SART1: variants seen among roughly 807,000 people sequenced by gnomAD.
SART1 encodes spliceosome associated factor 1, recruiter of U4/U6.U5 tri-snRNP.
Under a neutral mutation model 105.0 loss-of-function variants are expected in SART1, and 28 were observed. The ratio of observed to expected loss-of-function variants is 0.27; its 90% confidence interval spans 0.20 to 0.37. The LOEUF is 0.37. Among genes scored for constraint, SART1 ranks in the 10% least tolerant of loss-of-function variants. The pLI, the probability that SART1 is intolerant of heterozygous loss-of-function variation, is 1.00. For missense variants in SART1, 894 were observed against 1,106.5 expected (o/e 0.81, Z 2.72); for synonymous variants, 472 against 462.9 (o/e 1.02, Z -0.25).
chr11:65,972,988 G>A (rs756324037), intron 12 of SART1, among the ~76,000 whole-genome samples: 130 of 152,106 alleles, frequency 8.5e-4, no homozygotes, highest in Non-Finnish European at 2.5e-4. Context: ...GGTCAACACA[G>A]TGAAACCCTG....
chr11:65,975,449 T>C (rs1214123759), intron 12 of SART1, among the ~76,000 whole-genome samples: 1 of 145,186 alleles, frequency 6.9e-6, no homozygotes, highest in Non-Finnish European at 1.5e-5. Flanking sequence ...GGTTTCACTC[T>C]TGCCCACTCT....
At chr11:65,966,654 G>T in intron 9 of SART1, 98 bp downstream of exon 9, 1 of 1,347,376 alleles carries the variant, frequency 7.4e-7, no homozygotes, top group Non-Finnish European at 9.8e-7. Context: ...GCGAGTATTT[G>T]TGTTCACAAA....
At chr11:65,962,196 ACC>A in intron 1 of SART1, 103 bp downstream of exon 1, 1 of 871,620 alleles carries the variant, frequency 1.1e-6, no homozygotes, top group Non-Finnish European at 1.6e-6. Flanking sequence ...AGGCCAGGAA[ACC>A]CCCAAGCTGT....
At chr11:65,964,176 G>A (rs755536747) in intron 2 of SART1, 45 bp downstream of exon 2, 9 of 1,556,518 alleles carry the variant, frequency 5.8e-6, no homozygotes, top group Admixed American at 1.7e-5. Flanking sequence ...TCTAAGAGAG[G>A]TGGCTCTGGG....
rs752838323 is a variant in SART1, at chr11:65,976,353, C to T, written c.1573-42C>T. 1.4e-6 allele frequency: 2 copies of T among 1,480,798 alleles called. No individual in the cohort carries two copies. Among genetic ancestry groups the T allele is most frequent in the Non-Finnish European group, 1.8e-6 (2 of 1,117,018 alleles). The allele number at this position is 1,480,798 out of a possible 1,614,324, so 91.7% of individuals were successfully genotyped here. A position where few individuals can be genotyped will look rare whatever the true frequency, so the allele number is the denominator to read the frequency against. On this transcript the variant is annotated intron_variant, in intron 12 of 19. Transcript: ENST00000312397. The surrounding 1 kb of genome is among the most constrained non-coding windows in gnomAD (Gnocchi z 5.1). ...GTTCCTGGGTCTCAATGGCATCACC[C>T]CAGAAACTGCTGGGTTTGCCCACAG...
At chr11:65,964,662 G>A (rs1855210643) in intron 3 of SART1, 92 bp downstream of exon 3, 4 of 1,282,216 alleles carry the variant, frequency 3.1e-6, no homozygotes, top group Non-Finnish European at 4.3e-6. Flanking sequence ...GTTCAGCACT[G>A]TTTAGTGGTC....
Position 65,978,272 on chromosome 11 carries a change from A to C in SART1, c.2173-328A>C. On this transcript the variant is annotated intron_variant, in intron 17 of 19. Coordinates refer to ENST00000312397, the MANE Select transcript of SART1 (RefSeq NM_005146.5). This position sits in a 1 kb window ranked among gnomAD's most constrained non-coding sequence, Gnocchi z 6.8. ...GCCCGACCGTCCTGCCCTACCACTC[A>C]GCTGCCCCCTTGCTCTCTGGGGTTT... 2.0e-6 allele frequency: 1 copy of C among 491,546 alleles called. No homozygotes were observed. 30.4% of individuals were successfully genotyped at this position (491,546 alleles called of 1,614,324 possible). A position where few individuals can be genotyped will look rare whatever the true frequency, so the allele number is the denominator to read the frequency against.
Position 65,967,676 on chromosome 11 carries a change from C to G in SART1, c.1430-3C>G. 6.3e-7 allele frequency: 1 copy of G among 1,575,954 alleles called. No homozygotes were observed. Among genetic ancestry groups the G allele is most frequent in the Non-Finnish European group, 8.6e-7 (1 of 1,160,572 alleles). ...GAGCAGGCATCCCCTGTGTTTCCCCCAGAGGAAGGTGGAGCTCCACCGCCG... is the reference window on the plus strand; with the variant it reads ...GAGCAGGCATCCCCTGTGTTTCCCCGAGAGGAAGGTGGAGCTCCACCGCCG... On this transcript the variant is annotated splice_polypyrimidine_tract_variant and splice_region_variant and intron_variant, in intron 11 of 19. Coordinates refer to ENST00000312397, the MANE Select transcript of SART1 (RefSeq NM_005146.5).
Position 65,978,980 on chromosome 11 carries a change from C to T in SART1, c.2385-32C>T. The T allele has an allele frequency of 6.2e-7, 1 of 1,614,052 alleles. No individual in the cohort carries two copies. Among genetic ancestry groups the T allele is most frequent in the Non-Finnish European group, 8.5e-7 (1 of 1,179,996 alleles). On this transcript the variant is annotated intron_variant, in intron 19 of 19. Coordinates refer to ENST00000312397, the MANE Select transcript of SART1 (RefSeq NM_005146.5). This position sits in a 1 kb window ranked among gnomAD's most constrained non-coding sequence, Gnocchi z 6.8. ...GGGGTGGCGTGGCCTGTGCCCGCCTCTGCAGCCTCACGCCCCTGTTCTTCT... is the reference window on the plus strand; with the variant it reads ...GGGGTGGCGTGGCCTGTGCCCGCCTTTGCAGCCTCACGCCCCTGTTCTTCT...
chr11:65,964,212 AT>A (rs780398469), intron 2 of SART1, 81 bp downstream of exon 2: 5 of 1,192,484 alleles, frequency 4.2e-6, no homozygotes, highest in Non-Finnish European at 6.2e-6. Context: ...GCTTTCTCAC[AT>A]GAAAGTGTGC....
chr11:65,974,198 T>TA (rs1168176073), intron 12 of SART1, among the ~76,000 whole-genome samples: 12,252 of 69,310 alleles, frequency 0.18, 1,300 homozygotes, highest in African/African-American at 0.26. Context: ...CCCTCTCTAC[T>TA]AAAAAAAAAA....
chr11:65,970,816 T>G (rs1419397388), intron 12 of SART1, among the ~76,000 whole-genome samples: 8 of 35,914 alleles, frequency 2.2e-4, no homozygotes, highest in Admixed American at 1.2e-3. Context: ...GTGGGATTCA[T>G]GAGCTGAGGA....
rs1855259406 is a variant in SART1, at chr11:65,966,438, C to T, written c.1070C>T (p.Ala357Val). The T allele has an allele frequency of 1.2e-6, 2 of 1,613,592 alleles. No individual in the cohort carries two copies. The highest frequency in any genetic ancestry group is 2.2e-5 in the East Asian group (1 of 44,882). ...TTCCGCTTGGAGCAGGGCGGCACGG[C>T]TGATGGCCTGCGGGAGCGGGAGCTG... ...HSFRLEQGGT[A>V]DGLRERELEE... Residue 357 changes from alanine (A) to valine (V), a missense_variant, in exon 9 of 20, where the codon GCT becomes GTT. Around this residue, in one of 2 missense-constraint regions of SART1, gnomAD observed 712 missense variants for 778.2 expected, o/e 0.91. Coordinates refer to ENST00000312397, the MANE Select transcript of SART1 (RefSeq NM_005146.5).
intron 12 of SART1, among the ~76,000 whole-genome samples, chr11:65,968,451 G>C (rs1377597055): frequency 2.0e-5 from 3 of 152,170 alleles, no homozygotes; most frequent in Non-Finnish European, 2.9e-5. Flanking sequence ...GAGTGTGTGG[G>C]GGAGAGCGTG....
At chr11:65,965,660 T>G in intron 5 of SART1, 42 bp from the exon 6 acceptor site, 1 of 1,584,072 alleles carries the variant, frequency 6.3e-7, no homozygotes, top group South Asian at 1.1e-5. Flanking sequence ...CTGGTGATGC[T>G]GAGTGGCCTG....
intron 12 of SART1, among the ~76,000 whole-genome samples, chr11:65,975,194 C>T (rs1332527441): frequency 1.3e-5 from 2 of 150,132 alleles, no homozygotes. Flanking sequence ...GCCTCGGCCT[C>T]CAGGCTCAAG....
chr11:65,972,253 T>C (rs985695802), intron 12 of SART1, among the ~76,000 whole-genome samples: 7 of 152,166 alleles, frequency 4.6e-5, no homozygotes, highest in Non-Finnish European at 7.4e-5. Context: ...TGCATAAGGA[T>C]AGACTAACAG....
rs868670953 is a variant in SART1 at position 65,977,770 on chromosome 11, C to G, written c.2043C>G (p.Ile681Met). ...CTCCTCTGTCTCGGGCCAGGGCCAT[C>G]GATGACAAGTACAGCCGGAGGGAGG... is the stretch of plus-strand genomic sequence containing the variant. ...AVYCIEDKMA[I>M]DDKYSRREEY... The change falls in exon 17 of 20, where the codon ATC (isoleucine) becomes ATG (methionine). Residue 681 changes from isoleucine to methionine, a missense_variant. By Grantham distance (10) the Ile-to-Met change is conservative (BLOSUM62 1). Coordinates refer to ENST00000312397, the MANE Select transcript of SART1 (RefSeq NM_005146.5). 6.2e-7 allele frequency: 1 copy of G among 1,613,964 alleles called. No individual in the cohort carries two copies. Among genetic ancestry groups the G allele is most frequent in the South Asian group, 1.1e-5 (1 of 91,080 alleles).
chr11:65,965,890 C>G lies in SART1; in HGVS notation c.742C>G (p.Leu248Val). 2 of 1,614,068 alleles carry G rather than the reference C, an allele frequency of 1.2e-6. No individual in the cohort carries two copies. The highest frequency in any genetic ancestry group is 1.7e-6 in the Non-Finnish European group (2 of 1,179,994). Residue 248 changes from leucine (L) to valine (V), a missense_variant, in exon 7 of 20, where the codon CTG (leucine) becomes GTG (valine). Coordinates refer to ENST00000312397, the MANE Select transcript of SART1 (RefSeq NM_005146.5). ...EEEFGQRRQD[L>V]YSARDLQGLT... ...GACTCGCCGATTCTTCCCTTAGGAC[C>G]TGTACAGTGCCCGGGACCTGCAGGG...
Sources: allele counts gnomAD v4.1 joint callset (sites outside exome capture counted in the v4.1 genomes callset), GRCh38; gene constraint gnomAD v4.1.1; regional missense constraint gnomAD v4.1.1; non-coding constraint Gnocchi (gnomAD v3.1); transcripts MANE v1.5; gene names NCBI Gene and HGNC (gene_info 2026-07-23, HGNC 2026-07-21).